The following APOL5 variants were observed in gnomAD, a reference collection of about 807,000 sequenced individuals.
APOL5 encodes the protein apolipoprotein L5.
Under a neutral mutation model 35.5 loss-of-function variants are expected in APOL5, and 29 were observed. That is an observed-to-expected ratio of 0.82 (90% CI 0.61 to 1.11). The LOEUF is 1.11. APOL5 is among the 50% of genes most tolerant of loss of function. The pLI, the probability that APOL5 is intolerant of heterozygous loss-of-function variation, is 0.00. For missense variants in APOL5, 514 were observed against 530.4 expected (o/e 0.97, Z 0.30); for synonymous variants, 188 against 200.2 (o/e 0.94, Z 0.51).
chr22:35,717,235 A>AAAATATATAT, upstream of APOL5, among the ~76,000 whole-genome samples: 15 of 57,662 alleles, frequency 2.6e-4, 1 homozygote, highest in East Asian at 3.8e-3. Context: ...AAAAAAAAAA[A>AAAATATATAT]ATATATATAT....
rs1365429635 is a variant in APOL5, at chr22:35,726,257, G to A, written c.189G>A (p.Met63Ile). 6.2e-7 allele frequency: 1 copy of A among 1,612,822 alleles called. No individual in the cohort carries two copies. Among genetic ancestry groups the A allele is most frequent in the Non-Finnish European group, 8.5e-7 (1 of 1,178,876 alleles). The stretch of plus-strand genomic sequence containing the variant: ...AGAGTTGGAAAATTAACAATTTGAT[G>A]TCAACTGTCCACAGTGATGAGGCTG... The part of the protein sequence containing the change: ...LCQSWKINNL[M>I]STVHSDEAGM... The change falls in exon 3 of 5, where the codon ATG (methionine) becomes ATA (isoleucine). Residue 63 changes from methionine (M) to isoleucine (I), a missense_variant. By Grantham distance (10) the Met-to-Ile change is conservative (BLOSUM62 1). Around this residue, in one of 3 missense-constraint regions of APOL5, gnomAD observed 254 missense variants for 254.7 expected, o/e 1.00. Coordinates refer to ENST00000249044, the MANE Select transcript of APOL5 (RefSeq NM_030642.1).
At position 35,726,387 on chromosome 22, in the gene APOL5, C is replaced by T. The variant is rs1243804789; in HGVS notation, c.319C>T (p.Pro107Ser). The change falls in exon 3 of 5, where the codon CCT (proline) becomes TCT (serine). Residue 107 changes from proline (P) to serine (S), a missense_variant. Around this residue, in one of 3 missense-constraint regions of APOL5, gnomAD observed 254 missense variants for 254.7 expected, o/e 1.00. Transcript: ENST00000249044. ...GGAAAAATTGTTTCTCTCATATTTT[C>T]CTTTGCACAAGTTTGAGCTAGAACA... ...EEEKLFLSYFPLHKFELEQNI... is the reference protein window; with the variant it reads ...EEEKLFLSYFSLHKFELEQNI... 3 of 1,613,964 alleles carry T rather than the reference C, an allele frequency of 1.9e-6. No individual in the cohort carries two copies. Among genetic ancestry groups the T allele is most frequent in the African/African-American group, 2.7e-5 (2 of 74,924 alleles).
Position 35,720,384 on chromosome 22 carries a change from T to G in APOL5, c.56-184T>G, listed in dbSNP as rs1601895589. ...ACCTTGGGCATTCCCATGGTTTGTT[T>G]GTTTAAAATCATTAGACAAAAATCA... On this transcript the variant is annotated intron_variant, in intron 1 of 4. Coordinates refer to ENST00000249044, the MANE Select transcript of APOL5 (RefSeq NM_030642.1). Among the ~76,000 whole-genome samples, 5 of 152,242 alleles carry G rather than the reference T, an allele frequency of 3.3e-5. No individual in the cohort carries two copies. The South Asian group carries it at 1.0e-3, about 31-fold the overall frequency.
intron 1 of APOL5, among the ~76,000 whole-genome samples, chr22:35,718,550 C>T (rs1448983082): frequency 2.8e-5 from 4 of 140,886 alleles, no homozygotes; most frequent in East Asian, 4.2e-4. Context: ...TGGGAGATCG[C>T]GCCATTGCAC....
chr22:35,711,827 C>T, the APOL5 span, among the ~76,000 whole-genome samples: 1 of 151,850 alleles, frequency 6.6e-6, no homozygotes, highest in Admixed American at 6.6e-5. Context: ...AGGTATGCAC[C>T]ACCACACCTG....
At chr22:35,715,027 A>G (rs1357148253), upstream of APOL5, among the ~76,000 whole-genome samples, 2 of 152,254 alleles carry the variant, frequency 1.3e-5, no homozygotes, top group African/African-American at 2.4e-5. Flanking sequence ...ATTATGAAAT[A>G]TGATGATTCG....
At chr22:35,722,444 A>T (rs571321933) in intron 2 of APOL5, among the ~76,000 whole-genome samples, 29 of 152,262 alleles carry the variant, frequency 1.9e-4, no homozygotes, top group Middle Eastern at 6.8e-3. Context: ...CTGGGACTAC[A>T]GGTGCCCGCC....
chr22:35,728,895 A>G lies in APOL5; in HGVS notation c.1299A>G (p.Gln433=). 1 of 1,600,238 alleles carries G rather than the reference A, an allele frequency of 6.2e-7. No homozygotes were observed. Among genetic ancestry groups the G allele is most frequent in the Non-Finnish European group, 8.5e-7 (1 of 1,173,756 alleles). ...GACAGGCCCCGGGAAGACACCGACA[A>G]TGAGAAGAGGTAAGTGGGACGCAAG... ...KGRQAPGRHR[Q] The change falls in exon 4 of 5, where the codon CAA becomes CAG. Residue 433 remains glutamine (Q), a synonymous_variant. Coordinates refer to ENST00000249044, the MANE Select transcript of APOL5 (RefSeq NM_030642.1).
At chr22:35,708,634 C>G in the APOL5 span, among the ~76,000 whole-genome samples, 1 of 152,142 alleles carries the variant, frequency 6.6e-6, no homozygotes, top group East Asian at 1.9e-4. Context: ...AGGGGCAGAG[C>G]CGTCCATGGT....
At chr22:35,715,810 C>T (rs57481341), upstream of APOL5, among the ~76,000 whole-genome samples, 1,636 of 152,248 alleles carry the variant, frequency 0.011, 29 homozygotes, top group African/African-American at 0.038. Context: ...GGTGAAGCTC[C>T]GGGCTGCCAC....
At chr22:35,710,147 G>T in the APOL5 span, among the ~76,000 whole-genome samples, 4 of 100,628 alleles carry the variant, frequency 4.0e-5, no homozygotes, top group Non-Finnish European at 5.3e-5. Flanking sequence ...TTTTGAGACA[G>T]AGTCTTGCTC....
intron 1 of APOL5, among the ~76,000 whole-genome samples, 183 bp from the exon 2 acceptor site, chr22:35,720,385 G>T (rs1022431767): frequency 2.0e-5 from 3 of 152,110 alleles, no homozygotes; most frequent in Non-Finnish European, 4.4e-5. Flanking sequence ...TGGTTTGTTT[G>T]TTTAAAATCA....
chr22:35,709,367 T>TCACA, the APOL5 span, among the ~76,000 whole-genome samples: 1,868 of 149,918 alleles, frequency 0.012, 33 homozygotes, highest in African/African-American at 0.04. Flanking sequence ...CACAAAATTT[T>TCACA]CACACACACA....
rs1335880791 is a variant in APOL5 at position 35,727,177 on chromosome 22, G to A, written c.1109G>A (p.Arg370His). 4 of 1,601,300 alleles carry A rather than the reference G, an allele frequency of 2.5e-6. No individual in the cohort carries two copies. The highest frequency in any genetic ancestry group is 1.3e-5 in the African/African-American group (1 of 74,844). The change falls in exon 3 of 5, where the codon CGT (arginine) becomes CAT (histidine). Residue 370 changes from arginine (R) to histidine (H), a missense_variant. By Grantham distance (29) the Arg-to-His change is conservative. This residue lies in a region of APOL5 where 238 missense variants were observed against 229.1 expected (regional missense o/e 1.04). Coordinates refer to ENST00000249044, the MANE Select transcript of APOL5 (RefSeq NM_030642.1). ...SSRGRAVRGS[R>H]VVKPEGSRSP... ...CGGGGCAGGGCTGTTCGAGGATCCC[G>A]TGTGGTTAAACCAGAAGGTAGGAAG...
chr22:35,725,390 C>T (rs974928525), intron 2 of APOL5, among the ~76,000 whole-genome samples: 5 of 152,036 alleles, frequency 3.3e-5, no homozygotes, highest in East Asian at 1.9e-4. Context: ...CTCAGCTTCC[C>T]GAGTAGCTTG....
the APOL5 span, among the ~76,000 whole-genome samples, chr22:35,709,785 T>A: frequency 0.67 from 101,569 of 151,844 alleles, 34,476 homozygotes; most frequent in African/African-American, 0.76. Flanking sequence ...TCTTTTTTTT[T>A]AATAGTGTCT....
In APOL5 at chr22:35,724,328, C is replaced by T. The variant is rs115164786; in HGVS notation, c.143-1883C>T. Among the ~76,000 whole-genome samples the T allele has an allele frequency of 7.7e-3, 1,151 of 149,774 alleles. 20 individuals carry two copies. The highest frequency in any genetic ancestry group is 0.026 in the African/African-American group (1,086 of 41,054). On this transcript the variant is annotated intron_variant, in intron 2 of 4. Coordinates refer to ENST00000249044, the MANE Select transcript of APOL5 (RefSeq NM_030642.1). ...ATGGGTCTCCTTAAATCCTGTTTCC[C>T]GATGTCCCAGGTTCCCTGCCCAGAA...
chr22:35,729,077 G>C (rs893319266), intron 4 of APOL5, among the ~76,000 whole-genome samples, 173 bp downstream of exon 4: 3 of 152,180 alleles, frequency 2.0e-5, no homozygotes, highest in African/African-American at 7.2e-5. Flanking sequence ...GCCAGTCAGT[G>C]AGATCACTGA....
chr22:35,715,441 G>A (rs1433236305), upstream of APOL5, among the ~76,000 whole-genome samples: 1 of 152,056 alleles, frequency 6.6e-6, no homozygotes, highest in Non-Finnish European at 1.5e-5. Flanking sequence ...TGAGGCCCAG[G>A]AGGTTGACAG....
Sources: gnomAD v4.1 joint callset for allele counts (sites outside exome capture counted in the v4.1 genomes callset) on GRCh38, gnomAD v4.1.1 for gene constraint, gnomAD v4.1.1 regional missense constraint, MANE v1.5 for transcripts, NCBI Gene and HGNC (gene_info 2026-07-23, HGNC 2026-07-21) for gene names.